Variants in ZFAT observed in about 807,000 individuals in gnomAD.
The protein encoded by ZFAT is zinc finger protein ZFAT.
In ZFAT, 64 loss-of-function variants were observed where a neutral mutation model predicts 117.7. The observed-to-expected ratio is 0.54, with a 90% CI of 0.44 to 0.67. The LOEUF is 0.67. ZFAT is among the 30% of genes least tolerant of loss of function. The probability of loss-of-function intolerance (pLI) is 0.00; values close to 1 mark genes in which losing one functional copy is unlikely to be tolerated. For missense variants in ZFAT, 1,433 were observed against 1,584.5 expected, an observed-to-expected ratio of 0.90 and a Z score of 1.62; for synonymous variants, 679 against 615.0, an observed-to-expected ratio of 1.10 and a Z score of -1.54.
At chr8:134,606,947 T>C (rs1249531654) in intron 5 of ZFAT, among the ~76,000 whole-genome samples, 2 of 152,208 alleles carry the variant, frequency 1.3e-5, no homozygotes, top group African/African-American at 4.8e-5. Flanking sequence ...GTATCATTTG[T>C]TATGAGAGAA....
the ZFAT span, among the ~76,000 whole-genome samples, chr8:134,822,789 A>G: frequency 6.6e-6 from 1 of 152,196 alleles, no homozygotes; most frequent in Non-Finnish European, 1.5e-5. Flanking sequence ...TCCCTGACAC[A>G]AATTACTAAA....
chr8:134,604,993 T>C (rs898860980), intron 5 of ZFAT, among the ~76,000 whole-genome samples: 1 of 152,190 alleles, frequency 6.6e-6, no homozygotes, highest in Non-Finnish European at 1.5e-5. Flanking sequence ...TACTGCAAGA[T>C]CTAAATGGTC....
rs1463976261 is a variant in ZFAT at position 134,602,938 on chromosome 8, A to G, written c.786-5T>C. On this transcript the variant is annotated splice_polypyrimidine_tract_variant and splice_region_variant and intron_variant, in intron 5 of 15. Transcript: ENST00000377838. ...TTGAGCTGAGTGGGACCTAGCCTAGAAACAGATGACAGCATGGTTACATCT... is the reference window on the plus strand; with the variant it reads ...TTGAGCTGAGTGGGACCTAGCCTAGGAACAGATGACAGCATGGTTACATCT... 3.1e-6 allele frequency: 5 copies of G among 1,598,834 alleles called. No homozygotes were observed. The highest frequency in any genetic ancestry group is 4.3e-6 in the Non-Finnish European group (5 of 1,172,270).
chr8:134,513,592 G>C (rs1196125303), intron 13 of ZFAT, among the ~76,000 whole-genome samples: 2 of 152,194 alleles, frequency 1.3e-5, no homozygotes, highest in Non-Finnish European at 2.9e-5. Context: ...CAGGTACCTC[G>C]TGCCTCAAAG....
At chr8:134,757,915 C>A in the ZFAT span, among the ~76,000 whole-genome samples, 4 of 152,180 alleles carry the variant, frequency 2.6e-5, no homozygotes, top group Admixed American at 1.3e-4. Flanking sequence ...ATTGTGCCTG[C>A]AAGCTCAACA....
At chr8:134,611,317 T>C (rs183183349) in intron 3 of ZFAT, among the ~76,000 whole-genome samples, 3 of 152,366 alleles carry the variant, frequency 2.0e-5, no homozygotes, top group Admixed American at 1.3e-4. Context: ...GCAAGGGGTA[T>C]AGGGCAAAGG....
chr8:134,831,633 A>G, the ZFAT span, among the ~76,000 whole-genome samples: 7 of 152,064 alleles, frequency 4.6e-5, no homozygotes, highest in African/African-American at 1.7e-4. Context: ...CCGGATAAAC[A>G]TTTCCCGAAA....
At chr8:134,744,928 A>G in the ZFAT span, among the ~76,000 whole-genome samples, 91 of 150,960 alleles carry the variant, frequency 6.0e-4, no homozygotes, top group Non-Finnish European at 2.5e-4. Context: ...ATGGGGTTTC[A>G]CCATGTTAGC....
At chr8:134,800,478 C>T in the ZFAT span, 1 of 480,648 alleles carries the variant, frequency 2.1e-6, no homozygotes, top group Non-Finnish European at 4.3e-6. Context: ...CCTCTGTATA[C>T]TATTCTTGCC....
chr8:134,667,450 A>AC (rs1490127066), intron 1 of ZFAT, among the ~76,000 whole-genome samples: 2 of 145,552 alleles, frequency 1.4e-5, no homozygotes, highest in African/African-American at 5.2e-5. Flanking sequence ...CTGGGATCGC[A>AC]CCACTGCACT....
At chr8:134,776,774 G>A in the ZFAT span, among the ~76,000 whole-genome samples, 3 of 152,168 alleles carry the variant, frequency 2.0e-5, no homozygotes, top group East Asian at 1.9e-4. Context: ...AATGAATAAC[G>A]GTGCTTAACT....
At chr8:134,682,238 T>C (rs1833103935) in intron 1 of ZFAT, among the ~76,000 whole-genome samples, 1 of 152,242 alleles carries the variant, frequency 6.6e-6, no homozygotes, top group South Asian at 2.1e-4. Flanking sequence ...AGACAGCATC[T>C]ACTTTAGGGA....
chr8:134,697,026 T>G (rs1279887933), intron 1 of ZFAT, among the ~76,000 whole-genome samples: 1 of 151,814 alleles, frequency 6.6e-6, no homozygotes, highest in Non-Finnish European at 1.5e-5. Flanking sequence ...CAAGCGATCC[T>G]CCCACCTTAG....
the ZFAT span, among the ~76,000 whole-genome samples, chr8:134,734,048 T>C: frequency 6.6e-6 from 1 of 152,250 alleles, no homozygotes; most frequent in African/African-American, 2.4e-5. Flanking sequence ...TTAGAGAGTG[T>C]GGTTACCCTC....
chr8:134,596,334 C>G (rs1010808550), intron 7 of ZFAT, among the ~76,000 whole-genome samples: 2 of 152,202 alleles, frequency 1.3e-5, no homozygotes, highest in African/African-American at 4.8e-5. Context: ...AGACGTAGAG[C>G]CAGAACCCTG....
chr8:134,690,543 T>C (rs1222853401), intron 1 of ZFAT, among the ~76,000 whole-genome samples: 1 of 152,212 alleles, frequency 6.6e-6, no homozygotes, highest in Admixed American at 6.5e-5. Context: ...GGCTCAGTTA[T>C]ATAAAATGTT....
the ZFAT span, among the ~76,000 whole-genome samples, chr8:134,754,782 G>T: frequency 1.3e-5 from 2 of 152,170 alleles, no homozygotes; most frequent in African/African-American, 4.8e-5. Context: ...AGGGACTTGG[G>T]TGCTGGGTCA....
intron 3 of ZFAT, among the ~76,000 whole-genome samples, chr8:134,634,494 C>CTG (rs58273546): frequency 0.72 from 109,766 of 151,850 alleles, 40,011 homozygotes; most frequent in East Asian, 0.91. Flanking sequence ...GCTTTCTGGG[C>CTG]GCAATATTAA....
intron 1 of ZFAT, among the ~76,000 whole-genome samples, chr8:134,658,676 C>T (rs1159711004): frequency 6.6e-6 from 1 of 152,088 alleles, no homozygotes; most frequent in Non-Finnish European, 1.5e-5. Context: ...TAGGTATATA[C>T]AAAATATTAA....
Sources: gnomAD v4.1 joint callset for allele counts (sites outside exome capture counted in the v4.1 genomes callset) on GRCh38, gnomAD v4.1.1 for gene constraint, MANE v1.5 for transcripts, NCBI Gene and HGNC (gene_info 2026-07-23, HGNC 2026-07-21) for gene names.